Variants in CABIN1 observed in about 807,000 individuals in gnomAD.
CABIN1 encodes the protein calcineurin binding protein 1, also known as calcineurin-binding protein cabin-1.
In CABIN1, 133 loss-of-function variants were observed where a neutral mutation model predicts 227.7. The ratio of observed to expected loss-of-function variants is 0.58; its 90% CI spans 0.51 to 0.67. The LOEUF is 0.67. CABIN1 is among the 30% of genes least tolerant of loss of function. The pLI, the probability that CABIN1 is intolerant of heterozygous loss-of-function variation, is 0.00. For missense variants in CABIN1, 2,408 were observed against 2,852.5 expected, an observed-to-expected ratio of 0.84 and a Z score of 3.55; for synonymous variants, 1,086 against 1,155.1, an observed-to-expected ratio of 0.94 and a Z score of 1.21.
intron 13 of CABIN1, 121 bp from the exon 14 acceptor site, chr22:24,062,838 G>C: frequency 1.1e-6 from 1 of 940,290 alleles, no homozygotes; most frequent in South Asian, 1.3e-5. Flanking sequence ...AGGGCTCTGA[G>C]GGGCTTAGGG....
intron 29 of CABIN1, among the ~76,000 whole-genome samples, chr22:24,151,340 C>G (rs556245476): frequency 6.6e-6 from 1 of 152,304 alleles, no homozygotes; most frequent in Admixed American, 6.5e-5. Flanking sequence ...GGAATTCTCC[C>G]TGCCCCCATT....
intron 1 of CABIN1, among the ~76,000 whole-genome samples, chr22:24,027,634 ATGT>A (rs1216974049): frequency 2.0e-5 from 3 of 152,236 alleles, no homozygotes; most frequent in Non-Finnish European, 4.4e-5. Context: ...GAGTGGATTA[ATGT>A]TGTTATTATG....
rs76090200 is a variant in CABIN1, at chr22:24,177,035, C to T, written c.6206-469C>T. Among the ~76,000 whole-genome samples the T allele has an allele frequency of 6.6e-6, 1 of 152,242 alleles. No homozygotes were observed. The highest frequency in any genetic ancestry group is 6.5e-5 in the Admixed American group (1 of 15,288). On this transcript the variant is annotated intron_variant, in intron 35 of 36. Transcript: ENST00000263119. The surrounding 1 kb of genome is among the most constrained non-coding windows in gnomAD (Gnocchi z 4.4). The stretch of plus-strand genomic sequence containing the variant: ...CTTCAGGCTCTGGGCAAACTCAGCC[C>T]CTTGCTCCCACTGGAGGATGAGGCG...
At chr22:24,042,247 C>A (rs1171597982) in intron 5 of CABIN1, among the ~76,000 whole-genome samples, 1 of 152,244 alleles carries the variant, frequency 6.6e-6, no homozygotes, top group Admixed American at 6.5e-5. Flanking sequence ...ACCACCAGGC[C>A]TGGGCATATT....
intron 10 of CABIN1, 147 bp downstream of exon 10, chr22:24,056,507 A>C: frequency 3.8e-6 from 3 of 797,324 alleles, no homozygotes; most frequent in Non-Finnish European, 6.1e-6. Context: ...CTGAAGCACA[A>C]ATCTCACTGG....
rs958766003 is a variant in CABIN1 at position 24,076,115 on chromosome 22, A to G, written c.2633-54A>G. ...GGAGACTGAGCCTCGCAGCCCCTGCAGGCACGCAGGTTCCCACACTAACTC... is the reference window on the plus strand; with the variant it reads ...GGAGACTGAGCCTCGCAGCCCCTGCGGGCACGCAGGTTCCCACACTAACTC... On this transcript the variant is annotated intron_variant, in intron 18 of 36. Transcript: ENST00000263119. 2.9e-5 allele frequency: 38 copies of G among 1,324,922 alleles called. No individual in the cohort carries two copies. In the South Asian group the frequency reaches 4.5e-4, roughly 16 times the overall value. The allele number at this position is 1,324,922 out of a possible 1,614,324, so 82.1% of individuals were successfully genotyped here.
chr22:24,146,182 G>A (rs1001499014), intron 29 of CABIN1, among the ~76,000 whole-genome samples: 10 of 152,206 alleles, frequency 6.6e-5, no homozygotes, highest in African/African-American at 2.4e-4. Flanking sequence ...GGCTGTAGTA[G>A]GAATTGCTGC....
At chr22:24,022,978 G>A (rs6004041) in intron 1 of CABIN1, among the ~76,000 whole-genome samples, 30,682 of 151,946 alleles carry the variant, frequency 0.2, 3,443 homozygotes, top group African/African-American at 0.31. Flanking sequence ...CAATTCAGTG[G>A]CATAAAGAAC....
chr22:24,072,833 C>T (rs1399894518), intron 18 of CABIN1, among the ~76,000 whole-genome samples: 1 of 152,174 alleles, frequency 6.6e-6, no homozygotes, highest in Non-Finnish European at 1.5e-5. Flanking sequence ...CCACTAGCTC[C>T]TTTAATCCCC....
At position 24,049,099 on chromosome 22, in the gene CABIN1, T is replaced by C. The variant is rs1455330013; in HGVS notation, c.535T>C (p.Tyr179His). Residue 179 changes from tyrosine (Y) to histidine (H), a missense_variant, in exon 7 of 37, where the codon TAC (tyrosine) becomes CAC (histidine). Around this residue, in one of 3 missense-constraint regions of CABIN1, gnomAD observed 1,045 missense variants for 1,168.4 expected, o/e 0.89. Coordinates refer to ENST00000263119, the MANE Select transcript of CABIN1 (RefSeq NM_012295.4). ...YTLSDYTTCL[Y>H]FICKALEKDC... ...GTCTCTTTCCCCGCCAGCATGTCTGTACTTCATCTGCAAAGCTTTGGAGAA... is the reference window on the plus strand; with the variant it reads ...GTCTCTTTCCCCGCCAGCATGTCTGCACTTCATCTGCAAAGCTTTGGAGAA... 2 of 1,614,046 alleles carry C rather than the reference T, an allele frequency of 1.2e-6. No homozygotes were observed. The highest frequency in any genetic ancestry group is 1.7e-5 in the Admixed American group (1 of 60,032).
At chr22:24,168,661 G>A (rs2046602731) in intron 33 of CABIN1, 140 bp downstream of exon 33, 4 of 770,314 alleles carry the variant, frequency 5.2e-6, no homozygotes, top group South Asian at 2.9e-5. Flanking sequence ...TGAGCAGGGG[G>A]CAGCTGAGCC....
intron 19 of CABIN1, 121 bp downstream of exon 19, chr22:24,076,405 G>T: frequency 1.3e-6 from 1 of 759,146 alleles, no homozygotes; most frequent in East Asian, 2.6e-5. Flanking sequence ...CCCTCAGTGG[G>T]CCCACTGTGT....
Position 24,119,620 on chromosome 22 carries a change from G to C in CABIN1, c.4554G>C (p.Leu1518=), listed in dbSNP as rs2043282528. 6.2e-7 allele frequency: 1 copy of C among 1,613,726 alleles called. No individual in the cohort carries two copies. Among genetic ancestry groups the C allele is most frequent in the Non-Finnish European group, 8.5e-7 (1 of 1,179,948 alleles). Residue 1518 remains leucine (L), a synonymous_variant, in exon 28 of 37, where the codon CTG becomes CTC. Coordinates refer to ENST00000263119, the MANE Select transcript of CABIN1 (RefSeq NM_012295.4). ...AGCAGTGCATCGCCTCCTTCCGCCTGTGCCTGAGCCGCTTCCCCCAGCACT... is the reference window on the plus strand; with the variant it reads ...AGCAGTGCATCGCCTCCTTCCGCCTCTGCCTGAGCCGCTTCCCCCAGCACT... ...LTEQCIASFR[L]CLSRFPQHYK...
chr22:24,099,407 G>A (rs1160112050), intron 26 of CABIN1, among the ~76,000 whole-genome samples: 2 of 152,148 alleles, frequency 1.3e-5, no homozygotes, highest in East Asian at 1.9e-4. Flanking sequence ...TGTTGAGAGA[G>A]GCTGAGGATC....
chr22:24,057,556 G>A (rs1028097187), intron 10 of CABIN1, among the ~76,000 whole-genome samples: 20 of 152,150 alleles, frequency 1.3e-4, no homozygotes, highest in Admixed American at 7.9e-4. Context: ...ATATGTGTTC[G>A]ATATGCCATC....
At chr22:24,168,158 C>T (rs1465232732) in intron 32 of CABIN1, among the ~76,000 whole-genome samples, 1 of 152,178 alleles carries the variant, frequency 6.6e-6, no homozygotes, top group African/African-American at 2.4e-5. Context: ...ACAGCTGGGT[C>T]CAATTCTGGC....
intron 29 of CABIN1, among the ~76,000 whole-genome samples, chr22:24,137,410 C>T (rs927709727): frequency 6.6e-6 from 1 of 152,214 alleles, no homozygotes; most frequent in Non-Finnish European, 1.5e-5. Context: ...ATGAGTCTTG[C>T]AGAAAAGCAG....
chr22:24,045,656 G>T (rs1284441748), intron 6 of CABIN1, among the ~76,000 whole-genome samples: 1 of 152,006 alleles, frequency 6.6e-6, no homozygotes, highest in East Asian at 1.9e-4. Context: ...TGTTACAACA[G>T]CAGCCCACTT....
intron 22 of CABIN1, among the ~76,000 whole-genome samples, chr22:24,085,828 G>C (rs1203558910): frequency 6.6e-6 from 1 of 152,158 alleles, no homozygotes; most frequent in African/African-American, 2.4e-5. Context: ...TTGGGTGAAG[G>C]TCAAAAGGAG....
Sources: gnomAD v4.1 joint callset for allele counts (sites outside exome capture counted in the v4.1 genomes callset) on GRCh38, gnomAD v4.1.1 for gene constraint, gnomAD v4.1.1 regional missense constraint, Gnocchi (gnomAD v3.1) non-coding constraint, MANE v1.5 for transcripts, NCBI Gene and HGNC (gene_info 2026-07-23, HGNC 2026-07-21) for gene names.